The following TAFA5 variants were observed in gnomAD, a reference collection of about 807,000 sequenced individuals.
The protein encoded by TAFA5 is TAFA chemokine like family member 5, also known as chemokine-like protein TAFA-5.
In TAFA5, 6 loss-of-function variants were observed where a neutral mutation model predicts 15.3. The observed-to-expected ratio is 0.39, with a 90% CI of 0.21 to 0.77. The LOEUF (loss-of-function observed/expected upper bound fraction) is 0.77, where lower values mean the gene tolerates loss of function less well. Ranked by LOEUF, TAFA5 falls within the 30% of genes least tolerant of loss-of-function variation. The probability of loss-of-function intolerance (pLI) is 0.41; values close to 1 mark genes in which losing one functional copy is unlikely to be tolerated. For synonymous variants in TAFA5, 103 were observed against 80.7 expected, an observed-to-expected ratio of 1.28 and a Z score of -1.48; for missense variants, 161 against 193.1, an observed-to-expected ratio of 0.83 and a Z score of 0.98.
intron 1 of TAFA5, among the ~76,000 whole-genome samples, chr22:48,548,970 C>G (rs536323586): frequency 2.0e-5 from 3 of 152,290 alleles, no homozygotes; most frequent in East Asian, 3.9e-4. Context: ...GCTGGAAGAG[C>G]CTTTTGGCCA....
intron 1 of TAFA5, among the ~76,000 whole-genome samples, chr22:48,605,310 TGG>T (rs1925137356): frequency 6.9e-6 from 1 of 145,820 alleles, no homozygotes; most frequent in African/African-American, 2.6e-5. Flanking sequence ...ATGGTGATGA[TGG>T]TGGTGATGGT....
chr22:48,747,308 G>A (rs1388202970), intron 3 of TAFA5, among the ~76,000 whole-genome samples: 2 of 152,182 alleles, frequency 1.3e-5, no homozygotes, highest in Non-Finnish European at 2.9e-5. Context: ...AACCACAGCC[G>A]CTCCAGCCCT....
intron 3 of TAFA5, among the ~76,000 whole-genome samples, chr22:48,708,341 C>T (rs564511224): frequency 1.8e-4 from 27 of 152,250 alleles, no homozygotes; most frequent in Non-Finnish European, 2.5e-4. Flanking sequence ...ACCAGAGACC[C>T]GGAGGGCCCT....
At chr22:48,593,694 A>C (rs1252984570) in intron 1 of TAFA5, among the ~76,000 whole-genome samples, 1 of 152,080 alleles carries the variant, frequency 6.6e-6, no homozygotes, top group East Asian at 1.9e-4. Context: ...GAACTCTGGG[A>C]GCCGTCGCAG....
chr22:48,643,418 G>A (rs5771872), intron 1 of TAFA5, among the ~76,000 whole-genome samples: 2 of 152,196 alleles, frequency 1.3e-5, no homozygotes, highest in East Asian at 3.9e-4. Flanking sequence ...GAGAGTGTTC[G>A]GTTGGCCGTG....
At chr22:48,732,928 T>G (rs1601704979) in intron 3 of TAFA5, among the ~76,000 whole-genome samples, 1 of 152,324 alleles carries the variant, frequency 6.6e-6, no homozygotes, top group South Asian at 2.1e-4. Context: ...CAGATGATCC[T>G]TAGCATTTTT....
intron 1 of TAFA5, among the ~76,000 whole-genome samples, chr22:48,588,595 GGGTATCGGGGCT>G (rs1429835875): frequency 6.6e-6 from 1 of 152,158 alleles, no homozygotes; most frequent in Non-Finnish European, 1.5e-5. Flanking sequence ...GGTGGCTGCT[GGGTATCGGGGCT>G]GGTTTCTGGG....
At chr22:48,538,415 G>C (rs1922244996) in intron 1 of TAFA5, among the ~76,000 whole-genome samples, 1 of 152,224 alleles carries the variant, frequency 6.6e-6, no homozygotes, top group Non-Finnish European at 1.5e-5. Flanking sequence ...GTTGGGTATT[G>C]GCTGGCGAGC....
intron 1 of TAFA5, among the ~76,000 whole-genome samples, chr22:48,630,274 C>T (rs947411342): frequency 3.3e-5 from 5 of 152,164 alleles, no homozygotes; most frequent in Non-Finnish European, 5.9e-5. Context: ...AATGACGTGT[C>T]CCCTGTTTGC....
At position 48,550,585 on chromosome 22, in the gene TAFA5, G is replaced by T. The variant is rs758655949; in HGVS notation, c.112+60881G>T. 6.6e-6 allele frequency among the ~76,000 whole-genome samples: 1 copy of T among 152,100 alleles called. No individual in the cohort carries two copies. The highest frequency in any genetic ancestry group is 2.4e-5 in the African/African-American group (1 of 41,432). On this transcript the variant is annotated intron_variant, in intron 1 of 3. Coordinates refer to ENST00000402357, the MANE Select transcript of TAFA5 (RefSeq NM_001082967.3). The surrounding 1 kb of genome is among the most constrained non-coding windows in gnomAD (Gnocchi z 4.1). ...GCCCTGCCCCCTACCCTCATCCCAC[G>T]GTTCCTAGCAGGTTCCATCGCCTTC...
At chr22:48,717,309 C>A (rs1407225441) in intron 3 of TAFA5, among the ~76,000 whole-genome samples, 3 of 152,198 alleles carry the variant, frequency 2.0e-5, no homozygotes, top group Non-Finnish European at 4.4e-5. Context: ...CTGGAACGGG[C>A]CGTCAAGGGT....
intron 1 of TAFA5, among the ~76,000 whole-genome samples, chr22:48,556,054 C>T (rs964372751): frequency 2.0e-5 from 3 of 152,178 alleles, no homozygotes; most frequent in African/African-American, 4.8e-5. Context: ...AGACCCTAAA[C>T]GCTGAACCCC....
chr22:48,535,999 G>A (rs1448825819), intron 1 of TAFA5, among the ~76,000 whole-genome samples: 1 of 152,322 alleles, frequency 6.6e-6, no homozygotes, highest in East Asian at 1.9e-4. Context: ...CTGCACAGGG[G>A]CACACACAGA....
intron 2 of TAFA5, among the ~76,000 whole-genome samples, chr22:48,679,949 C>T (rs1928125230): frequency 1.3e-5 from 2 of 152,230 alleles, no homozygotes; most frequent in African/African-American, 4.8e-5. Context: ...TTAGGATGGC[C>T]TAGGGCGGAC....
intron 1 of TAFA5, among the ~76,000 whole-genome samples, chr22:48,630,086 C>T (rs1043575576): frequency 4.0e-5 from 6 of 151,804 alleles, no homozygotes; most frequent in South Asian, 2.1e-4. Context: ...GGGCGGGGGA[C>T]GAGCAGGTGG....
At chr22:48,661,119 G>T (rs755125862) in intron 2 of TAFA5, among the ~76,000 whole-genome samples, 1 of 152,198 alleles carries the variant, frequency 6.6e-6, no homozygotes, top group Admixed American at 6.5e-5. Flanking sequence ...GAGCACGTAC[G>T]GGGTGTGTGT....
At chr22:48,622,805 G>T (rs956803630) in intron 1 of TAFA5, among the ~76,000 whole-genome samples, 1 of 152,250 alleles carries the variant, frequency 6.6e-6, no homozygotes, top group African/African-American at 2.4e-5. Context: ...CCCTGACTCA[G>T]TGTGTTGGCT....
chr22:48,575,838 G>A (rs1555888879), intron 1 of TAFA5, among the ~76,000 whole-genome samples: 1 of 143,194 alleles, frequency 7.0e-6, no homozygotes, highest in Non-Finnish European at 1.5e-5. Flanking sequence ...CCCGCGCCCG[G>A]CGCGCAGCCC....
chr22:48,740,530 G>A (rs559056108), intron 3 of TAFA5, among the ~76,000 whole-genome samples: 2 of 152,316 alleles, frequency 1.3e-5, no homozygotes, highest in African/African-American at 4.8e-5. Flanking sequence ...CTCAGTTGGC[G>A]GATCTGCCTC....
Sources: allele counts gnomAD v4.1 joint callset (sites outside exome capture counted in the v4.1 genomes callset), GRCh38; gene constraint gnomAD v4.1.1; non-coding constraint Gnocchi (gnomAD v3.1); transcripts MANE v1.5; gene names NCBI Gene and HGNC (gene_info 2026-07-23, HGNC 2026-07-21).